KIFBP: variants seen among roughly 807,000 people sequenced by gnomAD.
The protein encoded by KIFBP is kinesin family binding protein.
A neutral mutation model predicts 58.9 loss-of-function variants in KIFBP; 46 were observed. The observed-to-expected ratio is 0.78, with a 90% CI of 0.62 to 1.00. The LOEUF (loss-of-function observed/expected upper bound fraction) is 1.00, where lower values mean the gene tolerates loss of function less well. Ranked by LOEUF, KIFBP falls within the 50% of genes least tolerant of loss-of-function variation. The pLI, the probability that KIFBP is intolerant of heterozygous loss-of-function variation, is 0.00. For synonymous variants in KIFBP, 241 were observed against 283.4 expected (o/e 0.85, Z 1.50); for missense variants, 651 against 752.9 (o/e 0.86, Z 1.58).
intron 1 of KIFBP, 51 bp from the exon 2 acceptor site, chr10:69,000,373 T>G: frequency 8.3e-7 from 1 of 1,206,714 alleles, no homozygotes; most frequent in South Asian, 1.2e-5. Flanking sequence ...AAAGTTACTT[T>G]AATTGGAAGT....
At position 68,991,456 on chromosome 10, in the gene KIFBP, G is replaced by A. The variant is rs1843345967; in HGVS notation, c.426+2198G>A. Reference sequence around the variant, plus strand: ...TGCAATTATCTGTCCAGAAACCAGAGCAAGTTATCAATGAGGATGTCGATG... The same window carrying A: ...TGCAATTATCTGTCCAGAAACCAGAACAAGTTATCAATGAGGATGTCGATG... On this transcript the variant is annotated intron_variant, in intron 1 of 6. Transcript: ENST00000361983. 3 of 392,682 alleles carry A rather than the reference G, an allele frequency of 7.6e-6. 1 individual carries two copies. In the Admixed American group the frequency reaches 8.6e-5, roughly 11 times the overall value. The allele number at this position is 392,682 out of a possible 1,614,324, so 24.3% of individuals were successfully genotyped here.
chr10:69,009,475 A>G (rs1429633705), intron 5 of KIFBP, among the ~76,000 whole-genome samples: 1 of 152,212 alleles, frequency 6.6e-6, no homozygotes, highest in Non-Finnish European at 1.5e-5. Flanking sequence ...AGATTGCATA[A>G]TGCATTCAGT....
chr10:68,993,787 A>G (rs1328669045), intron 1 of KIFBP, among the ~76,000 whole-genome samples: 1 of 152,098 alleles, frequency 6.6e-6, no homozygotes, highest in East Asian at 1.9e-4. Flanking sequence ...TGCAACCTCA[A>G]GGTTGTTAAC....
intron 1 of KIFBP, among the ~76,000 whole-genome samples, chr10:68,997,049 T>A (rs1033280268): frequency 1.3e-5 from 2 of 152,166 alleles, no homozygotes; most frequent in African/African-American, 4.8e-5. Flanking sequence ...CACTTTGGTC[T>A]TCCGGCTTTA....
At chr10:69,010,159 G>GT (rs1224766279) in intron 5 of KIFBP, among the ~76,000 whole-genome samples, 1 of 152,084 alleles carries the variant, frequency 6.6e-6, no homozygotes, top group Non-Finnish European at 1.5e-5. Flanking sequence ...AAAAATGACA[G>GT]TGACCAGTGT....
rs147387308 is a variant in KIFBP at position 69,016,204 on chromosome 10, C to T, written c.1654C>T (p.Arg552Cys). ...PAMLAKFRVA[R>C]LYGKIITADP... is the part of the protein sequence containing the mutation. ...CATGTTAGCTAAGTTTCGAGTTGCC[C>T]GTCTCTATGGCAAAATCATTACTGC... is the stretch of plus-strand genomic sequence containing the variant. The change falls in exon 7 of 7, where the codon CGT (arginine) becomes TGT (cysteine). Residue 552 changes from arginine to cysteine, a missense_variant. By Grantham distance (180) the Arg-to-Cys change is radical. Coordinates refer to ENST00000361983, the MANE Select transcript of KIFBP (RefSeq NM_015634.4). The T allele has an allele frequency of 8.7e-6, 14 of 1,612,556 alleles. No individual in the cohort carries two copies. The highest frequency in any genetic ancestry group is 2.2e-5 in the East Asian group (1 of 44,890).
intron 2 of KIFBP, among the ~76,000 whole-genome samples, chr10:69,003,377 T>C (rs1001318201): frequency 6.6e-6 from 1 of 152,226 alleles, no homozygotes; most frequent in African/African-American, 2.4e-5. Flanking sequence ...TTGTTTTTAC[T>C]TTATGTGAAT....
intron 1 of KIFBP, 27 bp downstream of exon 1, chr10:68,989,285 C>G (rs767182359): frequency 1.2e-6 from 2 of 1,609,772 alleles, no homozygotes; most frequent in African/African-American, 2.7e-5. Flanking sequence ...CCAGGCCGGC[C>G]CCTGTTGGCA....
intron 1 of KIFBP, among the ~76,000 whole-genome samples, chr10:68,996,959 C>A (rs1300770604): frequency 1.3e-5 from 2 of 152,108 alleles, no homozygotes; most frequent in African/African-American, 4.8e-5. Flanking sequence ...TTGAGACCAG[C>A]CTGGACAACA....
At chr10:68,989,662 C>T (rs549611160) in intron 1 of KIFBP, 176 of 224,204 alleles carry the variant, frequency 7.8e-4, no homozygotes, top group Non-Finnish European at 1.1e-3. Flanking sequence ...AAGGAAATGA[C>T]AATGACCGGA....
chr10:69,015,561 T>C lies in KIFBP; in HGVS notation c.1011T>C (p.Asp337=). 1 of 1,613,782 alleles carries C rather than the reference T, an allele frequency of 6.2e-7. No homozygotes were observed. The highest frequency in any genetic ancestry group is 8.5e-7 in the Non-Finnish European group (1 of 1,179,940). Residue 337 remains aspartate, a synonymous_variant, in exon 7 of 7, where the codon GAT becomes GAC. Coordinates refer to ENST00000361983, the MANE Select transcript of KIFBP (RefSeq NM_015634.4). Reference sequence around the variant, plus strand: ...TTCAGGACAACATAGGAGAGCTTGATCTTGATAAACAGTCTGAACTTAGAG... The same window carrying C: ...TTCAGGACAACATAGGAGAGCTTGACCTTGATAAACAGTCTGAACTTAGAG... The part of the protein sequence containing the change: ...LSMQDNIGEL[D]LDKQSELRAL...
chr10:69,009,877 ACAT>A (rs1170452045), intron 5 of KIFBP, among the ~76,000 whole-genome samples: 2 of 152,270 alleles, frequency 1.3e-5, no homozygotes, highest in East Asian at 3.9e-4. Flanking sequence ...AGATTTTGAA[ACAT>A]CATGTCTTCC....
Position 68,988,861 on chromosome 10 carries a change from G to T in KIFBP, c.29G>T (p.Cys10Phe), listed in dbSNP as rs553587755. 49 of 1,614,274 alleles carry T rather than the reference G, an allele frequency of 3.0e-5. No homozygotes were observed. The Admixed American group carries it at 3.5e-4, about 12-fold the overall frequency. ...GCGAACGTTCCGTGGGCAGAGGTCT[G>T]CGAGAAATTCCAGGCGGCGCTCGCT... Reference protein sequence around the residue: MANVPWAEVCEKFQAALALS... With the variant: MANVPWAEVFEKFQAALALS... The change falls in exon 1 of 7, where the codon TGC (cysteine) becomes TTC (phenylalanine). Residue 10 changes from cysteine (C) to phenylalanine (F), a missense_variant. Transcript: ENST00000361983.
In KIFBP at chr10:69,015,765, G is replaced by A; in HGVS notation, c.1215G>A (p.Glu405=). The part of the protein sequence containing the change: ...LFLLGQHYVF[E]AKEFFQIDGY... Reference sequence around the variant, plus strand: ...TATTGGGTCAGCACTATGTCTTTGAGGCAAAAGAGTTCTTTCAGATTGATG... The same window carrying A: ...TATTGGGTCAGCACTATGTCTTTGAAGCAAAAGAGTTCTTTCAGATTGATG... Residue 405 remains glutamate (E), a synonymous_variant, in exon 7 of 7, where the codon GAG becomes GAA. Transcript: ENST00000361983. The A allele has an allele frequency of 6.2e-7, 1 of 1,614,178 alleles. No individual in the cohort carries two copies. Among genetic ancestry groups the A allele is most frequent in the Non-Finnish European group, 8.5e-7 (1 of 1,180,032 alleles).
At chr10:69,007,613 A>AT (rs1349910800) in intron 4 of KIFBP, 1 of 152,196 alleles carries the variant, frequency 6.6e-6, no homozygotes, top group East Asian at 1.9e-4. Context: ...GATTTAACAC[A>AT]TTTTTATCTA....
chr10:68,989,235 ATC>A lies in KIFBP; in HGVS notation c.411_412del (p.Cys138HisfsTer6), dbSNP rs1564633302. Reference sequence around the variant, plus strand: ...CAGGTACCGGCTCTCGCACGACTGCATCTCTCTCTGCATCCAGGCGCAGGTGA... The same window carrying A: ...CAGGTACCGGCTCTCGCACGACTGCATCTCTCTGCATCCAGGCGCAGGTGA... ...LRRYRLSHDC[I>X]SLCIQAQNNL... On this transcript the variant is annotated frameshift_variant, in exon 1 of 7. Transcript: ENST00000361983. LOFTEE classifies it high-confidence loss of function. The A allele has an allele frequency of 1.9e-6, 3 of 1,613,366 alleles. No individual in the cohort carries two copies. Among genetic ancestry groups the A allele is most frequent in the Admixed American group, 1.7e-5 (1 of 60,000 alleles).
intron 1 of KIFBP, chr10:68,991,421 C>CA: frequency 2.8e-6 from 1 of 353,390 alleles, no homozygotes; most frequent in Non-Finnish European, 5.9e-6. Flanking sequence ...TTCTTTCCTA[C>CA]AAAAAAGATT....
intron 1 of KIFBP, 118 bp from the exon 2 acceptor site, chr10:69,000,306 C>T: frequency 1.4e-6 from 1 of 724,886 alleles, no homozygotes; most frequent in Non-Finnish European, 2.5e-6. Context: ...ATAATTAATT[C>T]ATTGGTAATC....
In KIFBP at chr10:69,008,390, AAATATAT is replaced by A. The variant is rs1352484900; in HGVS notation, c.790-449_790-443del. Among the ~76,000 whole-genome samples, 12 of 102,888 alleles carry A rather than the reference AAATATAT, an allele frequency of 1.2e-4. No individual in the cohort carries two copies. In the East Asian group the frequency reaches 2.5e-3, roughly 21 times the overall value. 67.5% of individuals were successfully genotyped at this position (102,888 alleles called of 152,430 possible). A position where few individuals can be genotyped will look rare whatever the true frequency, so the allele number is the denominator to read the frequency against. On this transcript the variant is annotated intron_variant, in intron 4 of 6. Coordinates refer to ENST00000361983, the MANE Select transcript of KIFBP (RefSeq NM_015634.4). ...ACCCCTGTCTCGTAAAAAAAAAAAA[AAATATAT>A]ATATATATATATATATATATATTCA...
Sources: allele counts gnomAD v4.1 joint callset (sites outside exome capture counted in the v4.1 genomes callset), GRCh38; gene constraint gnomAD v4.1.1; transcripts MANE v1.5; gene names NCBI Gene and HGNC (gene_info 2026-07-23, HGNC 2026-07-21).